WDTC1: variants seen among roughly 807,000 people sequenced by gnomAD.
WDTC1 encodes WD and tetratricopeptide repeats protein 1.
WDTC1 carries 12 observed loss-of-function variants against 76.0 expected under a neutral mutation model. The observed-to-expected ratio is 0.16, with a 90% CI of 0.10 to 0.26. The LOEUF (loss-of-function observed/expected upper bound fraction) is 0.26, where lower values mean the gene tolerates loss of function less well. WDTC1 is among the 10% of genes least tolerant of loss of function. WDTC1 has a pLI of 1.00. For synonymous variants in WDTC1, 326 were observed against 350.8 expected (o/e 0.93, Z 0.79); for missense variants, 511 against 908.8 (o/e 0.56, Z 5.63).
chr1:27,260,724 TA>T, intron 1 of WDTC1, among the ~76,000 whole-genome samples: 1 of 152,356 alleles, frequency 6.6e-6, no homozygotes, highest in Admixed American at 6.5e-5. Context: ...CGATGAAGCA[TA>T]ACATATTTCT....
chr1:27,301,415 A>G lies in WDTC1; in HGVS notation c.1422A>G (p.Ala474=), dbSNP rs759651872. Residue 474 remains alanine, a synonymous_variant, in exon 13 of 16, where the codon GCA becomes GCG. Transcript: ENST00000319394. This position sits in a 1 kb window ranked among gnomAD's most constrained non-coding sequence, Gnocchi z 5.8. ...PEQAHSSACD[A]LGRDITAALF... ...AGGCCCACAGCAGCGCTTGTGATGC[A>G]TTGGGCCGCGACATCACAGCTGCCC... 8.4e-5 allele frequency: 135 copies of G among 1,613,900 alleles called. No individual in the cohort carries two copies. Among genetic ancestry groups the G allele is most frequent in the Non-Finnish European group, 1.1e-4 (131 of 1,180,030 alleles).
chr1:27,251,134 G>T (rs901393847), intron 1 of WDTC1, among the ~76,000 whole-genome samples: 1 of 131,362 alleles, frequency 7.6e-6, no homozygotes, highest in Non-Finnish European at 1.5e-5. Flanking sequence ...CAGGTGATCT[G>T]CCCACCTTGG....
rs868393548 is a variant in WDTC1, at chr1:27,289,008, C to T, written c.479+1147C>T. Among the ~76,000 whole-genome samples, 643 of 140,906 alleles carry T rather than the reference C, an allele frequency of 4.6e-3. 6 individuals are homozygous for T. The highest frequency in any genetic ancestry group is 0.015 in the African/African-American group (565 of 38,066). 92.4% of individuals were successfully genotyped at this position (140,906 alleles called of 152,430 possible). A position where few individuals can be genotyped will look rare whatever the true frequency, so the allele number is the denominator to read the frequency against. On this transcript the variant is annotated intron_variant, in intron 6 of 15. Coordinates refer to ENST00000319394, the MANE Select transcript of WDTC1 (RefSeq NM_001276252.2). ...ACCCCCCCCCCACCTCCCTCCCGGA[C>T]GGGGCGGCTGGCTGGGCGGGGGGCT...
At chr1:27,285,581 G>A (rs538349318) in intron 5 of WDTC1, among the ~76,000 whole-genome samples, 59 of 151,676 alleles carry the variant, frequency 3.9e-4, no homozygotes, top group Admixed American at 1.8e-3. Context: ...TATCCTCAAA[G>A]TTATGTGATA....
rs529310670 is a variant in WDTC1 at position 27,239,549 on chromosome 1, T to C, written c.-100+4598T>C. ...AAAAAAAAAAAAAAAAAGCCAGTTG[T>C]GCAGTGGCTCATGCCTGTAATCCTA... On this transcript the variant is annotated intron_variant, in intron 1 of 15. Transcript: ENST00000319394. 5.7e-5 allele frequency among the ~76,000 whole-genome samples: 8 copies of C among 140,406 alleles called. No individual in the cohort carries two copies. In the East Asian group the frequency reaches 1.5e-3, roughly 27 times the overall value. 92.1% of individuals were successfully genotyped at this position (140,406 alleles called of 152,430 possible). A position where few individuals can be genotyped will look rare whatever the true frequency, so the allele number is the denominator to read the frequency against.
Position 27,292,272 on chromosome 1 carries a change from G to C in WDTC1, c.537G>C (p.Glu179Asp). ...CGGAGGTGCTGATTGACCTGACAGA[G>C]TACTGTGGCCAGCTGGTGGAGGCCA... Reference protein sequence around the residue: ...KHSEVLIDLTEYCGQLVEAKC... With the variant: ...KHSEVLIDLTDYCGQLVEAKC... The change falls in exon 7 of 16, where the codon GAG becomes GAC. Residue 179 changes from glutamate to aspartate, a missense_variant. Physicochemically the swap from Glu to Asp is conservative, Grantham distance 45. Transcript: ENST00000319394. 6.2e-7 allele frequency: 1 copy of C among 1,612,942 alleles called. No individual in the cohort carries two copies. Among genetic ancestry groups the C allele is most frequent in the Non-Finnish European group, 8.5e-7 (1 of 1,179,478 alleles).
At chr1:27,238,856 C>T (rs1030250697) in intron 1 of WDTC1, among the ~76,000 whole-genome samples, 26 of 151,344 alleles carry the variant, frequency 1.7e-4, no homozygotes, top group Middle Eastern at 3.4e-3. Flanking sequence ...TGAGACACCG[C>T]GCCCAGCCCC....
At chr1:27,289,994 A>C (rs2013488001) in intron 6 of WDTC1, among the ~76,000 whole-genome samples, 1 of 150,424 alleles carries the variant, frequency 6.6e-6, no homozygotes, top group African/African-American at 2.4e-5. Context: ...GGAGAGGGAG[A>C]CCGTGGAAAG....
chr1:27,247,643 G>A (rs2011887885), intron 1 of WDTC1, among the ~76,000 whole-genome samples: 1 of 151,700 alleles, frequency 6.6e-6, no homozygotes, highest in Non-Finnish European at 1.5e-5. Context: ...TCATGTTCCT[G>A]CAAAGGATAT....
chr1:27,265,011 C>T (rs922964462), intron 3 of WDTC1, among the ~76,000 whole-genome samples: 4 of 152,030 alleles, frequency 2.6e-5, no homozygotes, highest in African/African-American at 7.2e-5. Flanking sequence ...ACCATGTTGC[C>T]CAGGCTGGTC....
At chr1:27,272,406 A>G (rs144690477) in intron 3 of WDTC1, among the ~76,000 whole-genome samples, 3 of 152,330 alleles carry the variant, frequency 2.0e-5, no homozygotes, top group African/African-American at 4.8e-5. Context: ...ATTTTTAAAC[A>G]TGATACTTTG....
intron 1 of WDTC1, among the ~76,000 whole-genome samples, chr1:27,243,817 A>G (rs1226862175): frequency 6.6e-6 from 1 of 151,998 alleles, no homozygotes; most frequent in African/African-American, 2.4e-5. Context: ...CAGATTAGGA[A>G]ACTAAGGTTT....
intron 10 of WDTC1, 30 bp downstream of exon 10, chr1:27,296,431 C>T (rs370315408): frequency 3.1e-5 from 50 of 1,611,584 alleles, no homozygotes; most frequent in Admixed American, 1.7e-4. Flanking sequence ...ATCTCTACTG[C>T]GGCGGTGTAG....
intron 1 of WDTC1, among the ~76,000 whole-genome samples, chr1:27,251,302 G>A (rs1368775444): frequency 6.6e-6 from 1 of 151,934 alleles, no homozygotes; most frequent in Non-Finnish European, 1.5e-5. Context: ...GTTACATGGT[G>A]ATATGCTAGG....
intron 3 of WDTC1, among the ~76,000 whole-genome samples, chr1:27,277,942 GC>G (rs1191168952): frequency 1.3e-5 from 2 of 152,172 alleles, no homozygotes; most frequent in African/African-American, 4.8e-5. Flanking sequence ...CTGGTTTCAA[GC>G]GATTCTCCTG....
At chr1:27,294,710 G>T in intron 9 of WDTC1, 81 bp downstream of exon 9, 4 of 1,230,482 alleles carry the variant, frequency 3.3e-6, no homozygotes, top group Non-Finnish European at 3.5e-6. Flanking sequence ...GTTCACTGCT[G>T]AGGCAGACAA....
At chr1:27,275,026 A>G (rs779805371) in intron 3 of WDTC1, among the ~76,000 whole-genome samples, 1 of 152,094 alleles carries the variant, frequency 6.6e-6, no homozygotes. Flanking sequence ...TATCCTTTCC[A>G]CCTCAACCAT....
At chr1:27,254,580 G>A (rs1042686890) in intron 1 of WDTC1, among the ~76,000 whole-genome samples, 2 of 151,926 alleles carry the variant, frequency 1.3e-5, no homozygotes, top group African/African-American at 2.4e-5. Flanking sequence ...GGGTGACAGA[G>A]TGAGACTCTG....
Position 27,303,857 on chromosome 1 carries a change from T to C in WDTC1, c.1643+62T>C. Reference sequence around the variant, plus strand: ...GCAGCGGGAGGTTGAGTGGGGAGTGTTGGGGCATAATGGTTTCAGAGAAGA... The same window carrying C: ...GCAGCGGGAGGTTGAGTGGGGAGTGCTGGGGCATAATGGTTTCAGAGAAGA... On this transcript the variant is annotated intron_variant, in intron 14 of 15. Coordinates refer to ENST00000319394, the MANE Select transcript of WDTC1 (RefSeq NM_001276252.2). This position sits in a 1 kb window ranked among gnomAD's most constrained non-coding sequence, Gnocchi z 4.8. 1 of 1,593,026 alleles carries C rather than the reference T, an allele frequency of 6.3e-7. No individual in the cohort carries two copies.
Sources: gnomAD v4.1 joint callset for allele counts (sites outside exome capture counted in the v4.1 genomes callset) on GRCh38, gnomAD v4.1.1 for gene constraint, Gnocchi (gnomAD v3.1) non-coding constraint, MANE v1.5 for transcripts, NCBI Gene and HGNC (gene_info 2026-07-23, HGNC 2026-07-21) for gene names.